Variants in AMIGO2 observed in about 807,000 individuals in gnomAD.
AMIGO2 encodes the protein adhesion molecule with Ig like domain 2, also known as amphoterin-induced protein 2.
A neutral mutation model predicts 23.7 loss-of-function variants in AMIGO2; 15 were observed. The ratio of observed to expected loss-of-function variants is 0.63; its 90% CI spans 0.42 to 0.98. The LOEUF is 0.98. Ranked by LOEUF, AMIGO2 falls within the 50% of genes least tolerant of loss-of-function variation. AMIGO2 has a pLI of 0.00. For synonymous variants in AMIGO2, 264 were observed against 252.3 expected (o/e 1.05, Z -0.44); for missense variants, 561 against 633.1 (o/e 0.89, Z 1.22).
chr12:47,079,801 G>A lies in AMIGO2; in HGVS notation c.-510C>T, dbSNP rs1225103658. ...CTCCCAGAGCCGGGGCCGCGGGAGG[G>A]GGCGCAGGCAGCCGGGCGGCAGCGG... On this transcript the variant is annotated 5_prime_UTR_variant, in exon 1 of 3. Coordinates refer to ENST00000550413, the MANE Select transcript of AMIGO2 (RefSeq NM_001370299.1). 6.7e-6 allele frequency: 1 copy of A among 149,694 alleles called. No homozygotes were observed. The highest frequency in any genetic ancestry group is 1.5e-5 in the Non-Finnish European group (1 of 67,052). The allele number at this position is 149,694 out of a possible 1,614,324, so 9.3% of individuals were successfully genotyped here.
chr12:47,078,467 T>C lies in AMIGO2; in HGVS notation c.536A>G (p.Gln179Arg), dbSNP rs1249883740. 2 of 1,614,078 alleles carry C rather than the reference T, an allele frequency of 1.2e-6. No individual in the cohort carries two copies. The highest frequency in any genetic ancestry group is 2.7e-5 in the African/African-American group (2 of 74,932). Reference protein sequence around the residue: ...KLYLSGNFLTQFPMDLYVGRF... With the variant: ...KLYLSGNFLTRFPMDLYVGRF... ...TCCAACATACAAATCCATCGGAAAC[T>C]GTGTGAGAAAATTTCCACTTAAGTA... The change falls in exon 3 of 3, where the codon CAG (glutamine) becomes CGG (arginine). Residue 179 changes from glutamine (Q) to arginine (R), a missense_variant. Coordinates refer to ENST00000550413, the MANE Select transcript of AMIGO2 (RefSeq NM_001370299.1).
Position 47,078,402 on chromosome 12 carries a change from A to C in AMIGO2, c.601T>G (p.Tyr201Asp), listed in dbSNP as rs1386499061. 4 of 1,614,034 alleles carry C rather than the reference A, an allele frequency of 2.5e-6. No individual in the cohort carries two copies. The highest frequency in any genetic ancestry group is 8.5e-7 in the Non-Finnish European group (1 of 1,180,042). ...ATTGGCATGGAAGGAATTCGGTTAT[A>C]AGAAACATCTAAAAACATCAGTTCT... ...LAELMFLDVSYNRIPSMPMHH... is the reference protein window; with the variant it reads ...LAELMFLDVSDNRIPSMPMHH... Residue 201 changes from tyrosine to aspartate, a missense_variant, in exon 3 of 3, where the codon TAT (tyrosine) becomes GAT (aspartate). By Grantham distance (160) the Tyr-to-Asp change is radical (BLOSUM62 -3). Transcript: ENST00000550413.
chr12:47,078,781 G>A lies in AMIGO2; in HGVS notation c.222C>T (p.Asp74=). The A allele has an allele frequency of 1.9e-6, 3 of 1,614,166 alleles. No individual in the cohort carries two copies. Among genetic ancestry groups the A allele is most frequent in the East Asian group, 2.2e-5 (1 of 44,880 alleles). Residue 74 remains aspartate (D), a synonymous_variant, in exon 3 of 3, where the codon GAC becomes GAT. Transcript: ENST00000550413. Reference sequence around the variant, plus strand: ...GAAGCCCAATTCTGTTATAACTCAGGTCCAGTCTCTTAATCAGTCTGAAAA... The same window carrying A: ...GAAGCCCAATTCTGTTATAACTCAGATCCAGTCTCTTAATCAGTCTGAAAA... ...GNLFRLIKRL[D]LSYNRIGLLD...
rs768662432 is a variant in AMIGO2, at chr12:47,078,998, G to A, written c.5C>T (p.Ser2Leu). 5 of 1,587,288 alleles carry A rather than the reference G, an allele frequency of 3.2e-6. No homozygotes were observed. The East Asian group carries it at 1.1e-4, about 36-fold the overall frequency. The stretch of plus-strand genomic sequence containing the variant: ...GGTGGGCAGAGTGTGTACACGTAAC[G>A]ACATTATGGTCGCCTCTGAGTCTCT... MSLRVHTLPTLL... is the reference protein window; with the variant it reads MLLRVHTLPTLL... Residue 2 changes from serine (S) to leucine (L), a missense_variant, in exon 3 of 3, where the codon TCG (serine) becomes TTG (leucine). Physicochemically the swap from Ser to Leu is moderately radical, Grantham distance 145. Transcript: ENST00000550413.
Position 47,077,911 on chromosome 12 carries a change from G to A in AMIGO2, c.1092C>T (p.Ile364=). ...RFEDAGVYSC[I]AMNKQRLLNE... is the part of the protein sequence containing the mutation. Reference sequence around the variant, plus strand: ...TTAACAGGCGTTGCTTATTCATTGCGATACAAGAATACACTCCAGCATCCT... The same window carrying A: ...TTAACAGGCGTTGCTTATTCATTGCAATACAAGAATACACTCCAGCATCCT... Residue 364 remains isoleucine, a synonymous_variant, in exon 3 of 3, where the codon ATC becomes ATT. Transcript: ENST00000550413. 1.2e-6 allele frequency: 2 copies of A among 1,614,002 alleles called. No individual in the cohort carries two copies. The highest frequency in any genetic ancestry group is 8.5e-7 in the Non-Finnish European group (1 of 1,180,034).
Position 47,077,680 on chromosome 12 carries a change from A to G in AMIGO2, c.1323T>C (p.His441=), listed in dbSNP as rs942437255. Residue 441 remains histidine (H), a synonymous_variant, in exon 3 of 3, where the codon CAT becomes CAC. Coordinates refer to ENST00000550413, the MANE Select transcript of AMIGO2 (RefSeq NM_001370299.1). ...QKNMLHQSNA[H]SSILSPGPAS... ...CGGGGCCAGGACTGAGAATCGATGA[A>G]TGGGCATTGCTTTGGTGTAGCATAT... The G allele has an allele frequency of 2.5e-6, 4 of 1,614,096 alleles. No individual in the cohort carries two copies. Among genetic ancestry groups the G allele is most frequent in the African/African-American group, 2.7e-5 (2 of 74,914 alleles).
At position 47,078,222 on chromosome 12, in the gene AMIGO2, G is replaced by T. The variant is rs372100851; in HGVS notation, c.781C>A (p.Arg261Ser). 15 of 1,614,068 alleles carry T rather than the reference G, an allele frequency of 9.3e-6. No individual in the cohort carries two copies. The highest frequency in any genetic ancestry group is 1.6e-4 in the Middle Eastern group (1 of 6,084). Reference sequence around the variant, plus strand: ...GAGTGCCTGGAGTCAGACCACAGGCGACAGGTGTAATCGTTCTTAAAATCC... The same window carrying T: ...GAGTGCCTGGAGTCAGACCACAGGCTACAGGTGTAATCGTTCTTAAAATCC... ...VMDFKNDYTC[R>S]LWSDSRHSRQ... The change falls in exon 3 of 3, where the codon CGC (arginine) becomes AGC (serine). Residue 261 changes from arginine (R) to serine (S), a missense_variant. Transcript: ENST00000550413.
At position 47,079,068 on chromosome 12, in the gene AMIGO2, G is replaced by C; in HGVS notation, c.-63-3C>G. On this transcript the variant is annotated splice_region_variant and splice_polypyrimidine_tract_variant and intron_variant, in intron 2 of 2. Coordinates refer to ENST00000550413, the MANE Select transcript of AMIGO2 (RefSeq NM_001370299.1). ...GGCTCAGCCTCCCACCAGTGAACCT[G>C]GCAAACAATTAATAATTCAGAGGGA... 6.6e-7 allele frequency: 1 copy of C among 1,511,200 alleles called. No individual in the cohort carries two copies. The highest frequency in any genetic ancestry group is 8.8e-7 in the Non-Finnish European group (1 of 1,132,172). 93.6% of individuals were successfully genotyped at this position (1,511,200 alleles called of 1,614,324 possible).
In AMIGO2 at chr12:47,077,326, C is replaced by T. The variant is rs1321736178; in HGVS notation, c.*108G>A. 42 of 1,408,332 alleles carry T rather than the reference C, an allele frequency of 3.0e-5. 1 individual carries two copies. Among genetic ancestry groups the T allele is most frequent in the Non-Finnish European group, 2.8e-5 (30 of 1,060,166 alleles). 87.2% of individuals were successfully genotyped at this position (1,408,332 alleles called of 1,614,324 possible). A position where few individuals can be genotyped will look rare whatever the true frequency, so the allele number is the denominator to read the frequency against. On this transcript the variant is annotated 3_prime_UTR_variant, in exon 3 of 3. Coordinates refer to ENST00000550413, the MANE Select transcript of AMIGO2 (RefSeq NM_001370299.1). ...ATTTTAAGAGAATTTGGTTGTATTT[C>T]AAAGAACAAAACAACACAATTTCTG...
In AMIGO2 at chr12:47,078,957, C is replaced by T. The variant is rs753562011; in HGVS notation, c.46G>A (p.Val16Ile). The T allele has an allele frequency of 6.2e-7, 1 of 1,613,648 alleles. No individual in the cohort carries two copies. Among genetic ancestry groups the T allele is most frequent in the Non-Finnish European group, 8.5e-7 (1 of 1,179,746 alleles). Residue 16 changes from valine (V) to isoleucine (I), a missense_variant, in exon 3 of 3, where the codon GTC becomes ATC. Physicochemically the swap from Val to Ile is conservative, Grantham distance 29. Coordinates refer to ENST00000550413, the MANE Select transcript of AMIGO2 (RefSeq NM_001370299.1). ...AGCAGCTCCCTGCAGCCCGGTCTGACGACGGCTCCAAGCAGGGTGGGCAGA... is the reference window on the plus strand; with the variant it reads ...AGCAGCTCCCTGCAGCCCGGTCTGATGACGGCTCCAAGCAGGGTGGGCAGA... Reference protein sequence around the residue: ...HTLPTLLGAVVRPGCRELLCL... With the variant: ...HTLPTLLGAVIRPGCRELLCL...
Position 47,078,504 on chromosome 12 carries a change from A to G in AMIGO2, c.499T>C (p.Leu167=). The change falls in exon 3 of 3, where the codon TTG becomes CTG. Residue 167 remains leucine, a synonymous_variant. Coordinates refer to ENST00000550413, the MANE Select transcript of AMIGO2 (RefSeq NM_001370299.1). ...TTTCCACTTAAGTAGAGTTTCTGCA[A>G]CTGGGAGAGCCCTCCAAACGCTGAA... ...DPSAFGGLSQ[L]QKLYLSGNFL... is the part of the protein sequence containing the mutation. The G allele has an allele frequency of 1.2e-6, 2 of 1,614,238 alleles. No homozygotes were observed. The highest frequency in any genetic ancestry group is 1.6e-4 in the Middle Eastern group (1 of 6,062).
Position 47,078,920 on chromosome 12 carries a change from A to G in AMIGO2, c.83T>C (p.Met28Thr). The change falls in exon 3 of 3, where the codon ATG becomes ACG. Residue 28 changes from methionine (M) to threonine (T), a missense_variant. Transcript: ENST00000550413. ...PGCRELLCLL[M>T]ITVTVGPGAS... ...ACCAGGGCCCACAGTCACTGTGATC[A>G]TCAGCAAACACAGCAGCTCCCTGCA... 1 of 1,614,220 alleles carries G rather than the reference A, an allele frequency of 6.2e-7. No individual in the cohort carries two copies. The highest frequency in any genetic ancestry group is 8.5e-7 in the Non-Finnish European group (1 of 1,180,052).
chr12:47,079,318 AT>A (rs1449280462), intron 1 of AMIGO2, 70 bp from the exon 2 acceptor site: 8 of 254,768 alleles, frequency 3.1e-5, no homozygotes, highest in Admixed American at 2.1e-4. Flanking sequence ...CAGAAACTCA[AT>A]TTTTTCCTAA....
chr12:47,077,474 T>C lies in AMIGO2; in HGVS notation c.1529A>G (p.Asn510Ser), dbSNP rs780968556. 56 of 1,613,972 alleles carry C rather than the reference T, an allele frequency of 3.5e-5. No individual in the cohort carries two copies. The highest frequency in any genetic ancestry group is 4.7e-5 in the Non-Finnish European group (55 of 1,179,978). The change falls in exon 3 of 3, where the codon AAT becomes AGT. Residue 510 changes from asparagine (N) to serine (S), a missense_variant. Asn to Ser is a conservative substitution (Grantham distance 46). Transcript: ENST00000550413. ...AAAAGGTGTGTCAGAAAACACTGAATTGACTGAATCTGAGTCAGATTTCCC... is the reference window on the plus strand; with the variant it reads ...AAAAGGTGTGTCAGAAAACACTGAACTGACTGAATCTGAGTCAGATTTCCC... ...TRGKSDSDSV[N>S]SVFSDTPFVA...
intron 2 of AMIGO2, 26 bp from the exon 3 acceptor site, chr12:47,079,091 G>A: frequency 1.3e-6 from 2 of 1,499,236 alleles, no homozygotes; most frequent in Non-Finnish European, 1.8e-6. Context: ...TAATTCAGAG[G>A]GAGTAAAAAG....
In AMIGO2 at chr12:47,078,302, C is replaced by T; in HGVS notation, c.701G>A (p.Cys234Tyr). 1 of 1,613,966 alleles carries T rather than the reference C, an allele frequency of 6.2e-7. No homozygotes were observed. Among genetic ancestry groups the T allele is most frequent in the Non-Finnish European group, 8.5e-7 (1 of 1,180,034 alleles). ...AAAGACCAGCAAGGAGTACAGGGAA[C>T]AGTCACAGACAAATGGGTTTCCATG... Reference protein sequence around the residue: ...YLHGNPFVCDCSLYSLLVFWY... With the variant: ...YLHGNPFVCDYSLYSLLVFWY... The change falls in exon 3 of 3, where the codon TGT becomes TAT. Residue 234 changes from cysteine to tyrosine, a missense_variant. Cys to Tyr is a radical substitution (Grantham distance 194). Coordinates refer to ENST00000550413, the MANE Select transcript of AMIGO2 (RefSeq NM_001370299.1).
Position 47,077,817 on chromosome 12 carries a change from A to T in AMIGO2, c.1186T>A (p.Phe396Ile). Residue 396 changes from phenylalanine to isoleucine, a missense_variant, in exon 3 of 3, where the codon TTT becomes ATT. Coordinates refer to ENST00000550413, the MANE Select transcript of AMIGO2 (RefSeq NM_001370299.1). ...TVSRSHAHEA[F>I]NTAFTTLAAC... ...GCAAGAGTGGTAAAAGCTGTGTTAAATGCCTCATGAGCATGGGATCTGCTT... is the reference window on the plus strand; with the variant it reads ...GCAAGAGTGGTAAAAGCTGTGTTAATTGCCTCATGAGCATGGGATCTGCTT... 6.2e-7 allele frequency: 1 copy of T among 1,614,218 alleles called. No individual in the cohort carries two copies. Among genetic ancestry groups the T allele is most frequent in the Non-Finnish European group, 8.5e-7 (1 of 1,180,040 alleles).
Position 47,078,833 on chromosome 12 carries a change from T to C in AMIGO2, c.170A>G (p.Lys57Arg). 3 of 1,614,214 alleles carry C rather than the reference T, an allele frequency of 1.9e-6. No homozygotes were observed. Among genetic ancestry groups the C allele is most frequent in the Admixed American group, 3.3e-5 (2 of 60,026 alleles). ...CATDIVSCTN[K>R]NLSKVPGNLF... ...GTTCCCAGGCACCTTGGACAGGTTT[T>C]TGTTGGTGCAGCTGACGATGTCAGT... is the stretch of plus-strand genomic sequence containing the variant. The change falls in exon 3 of 3, where the codon AAA (lysine) becomes AGA (arginine). Residue 57 changes from lysine to arginine, a missense_variant. Lys to Arg is a conservative substitution (Grantham distance 26). Coordinates refer to ENST00000550413, the MANE Select transcript of AMIGO2 (RefSeq NM_001370299.1).
Position 47,077,948 on chromosome 12 carries a change from C to T in AMIGO2, c.1055G>A (p.Ser352Asn), listed in dbSNP as rs2137113678. The T allele has an allele frequency of 6.2e-7, 1 of 1,613,828 alleles. No individual in the cohort carries two copies. Residue 352 changes from serine to asparagine, a missense_variant, in exon 3 of 3, where the codon AGC (serine) becomes AAC (asparagine). Physicochemically the swap from Ser to Asn is conservative, Grantham distance 46. Coordinates refer to ENST00000550413, the MANE Select transcript of AMIGO2 (RefSeq NM_001370299.1). Reference protein sequence around the residue: ...VFHNGSLVIESPRFEDAGVYS... With the variant: ...VFHNGSLVIENPRFEDAGVYS... The stretch of plus-strand genomic sequence containing the variant: ...CACTCCAGCATCCTCAAAACGAGGG[C>T]TTTCTATAACCAGACTTCCATTGTG...
Sources: allele counts gnomAD v4.1 joint callset, GRCh38; gene constraint gnomAD v4.1.1; transcripts MANE v1.5; gene names NCBI Gene and HGNC (gene_info 2026-07-23, HGNC 2026-07-21).